The following SIRT5 variants were observed in gnomAD, a reference collection of about 807,000 sequenced individuals.
SIRT5 encodes NAD-dependent protein deacylase sirtuin-5, mitochondrial.
A neutral mutation model predicts 40.0 loss-of-function variants in SIRT5; 26 were observed. The ratio of observed to expected loss-of-function variants is 0.65; its 90% CI spans 0.48 to 0.90. The LOEUF is 0.90. Ranked by LOEUF, SIRT5 falls within the 40% of genes least tolerant of loss-of-function variation. The pLI is 0.00. For synonymous variants in SIRT5, 146 were observed against 149.1 expected (o/e 0.98, Z 0.15); for missense variants, 401 against 402.4 (o/e 1.00, Z 0.03).
chr6:13,593,308 G>C (rs368241784), intron 5 of SIRT5, among the ~76,000 whole-genome samples: 120 of 152,278 alleles, frequency 7.9e-4, no homozygotes, highest in African/African-American at 2.6e-3. Flanking sequence ...CTTTTACTTA[G>C]ATCACCCTGA....
At chr6:13,610,856 T>C (rs902892744) in intron 9 of SIRT5, among the ~76,000 whole-genome samples, 4 of 152,216 alleles carry the variant, frequency 2.6e-5, no homozygotes, top group African/African-American at 7.2e-5. Flanking sequence ...GCAGTCACTA[T>C]TTGTATTGTA....
chr6:13,612,146 T>C lies in SIRT5; in HGVS notation c.*281T>C, dbSNP rs1764000343. On this transcript the variant is annotated 3_prime_UTR_variant, in exon 10 of 10. Coordinates refer to ENST00000606117, the MANE Select transcript of SIRT5 (RefSeq NM_012241.5). ...ATGGTTGGTTATTGGGAGGGAAAAA[T>C]TTTGTAAATTAGATTGTCTAAAAAA... is the stretch of plus-strand genomic sequence containing the variant. 7.7e-6 allele frequency: 2 copies of C among 259,942 alleles called. No individual in the cohort carries two copies. Among genetic ancestry groups the C allele is most frequent in the East Asian group, 1.4e-4 (2 of 14,428 alleles). 16.1% of individuals were successfully genotyped at this position (259,942 alleles called of 1,614,324 possible).
At position 13,612,541 on chromosome 6, in the gene SIRT5, T is replaced by C. The variant is rs1764036403; in HGVS notation, c.*676T>C. Reference sequence around the variant, plus strand: ...TTTTAGTAGAGACGGGGTTTCTCCATGTTGGTCAGGCTGGTCTTAAACTCT... The same window carrying C: ...TTTTAGTAGAGACGGGGTTTCTCCACGTTGGTCAGGCTGGTCTTAAACTCT... On this transcript the variant is annotated 3_prime_UTR_variant, in exon 10 of 10. Transcript: ENST00000606117. 1 of 152,180 alleles carries C rather than the reference T, an allele frequency of 6.6e-6. No individual in the cohort carries two copies. Among genetic ancestry groups the C allele is most frequent in the Admixed American group, 6.6e-5 (1 of 15,266 alleles). The allele number at this position is 152,180 out of a possible 1,614,324, so 9.4% of individuals were successfully genotyped here. A position where few individuals can be genotyped will look rare whatever the true frequency, so the allele number is the denominator to read the frequency against.
In SIRT5 at chr6:13,614,659, C is replaced by CA. The variant is rs1308394027; in HGVS notation, c.*2794_*2795insA. 1 of 152,334 alleles carries CA rather than the reference C, an allele frequency of 6.6e-6. No homozygotes were observed. The highest frequency in any genetic ancestry group is 2.4e-5 in the African/African-American group (1 of 41,482). The allele number at this position is 152,334 out of a possible 1,614,324, so 9.4% of individuals were successfully genotyped here. A position where few individuals can be genotyped will look rare whatever the true frequency, so the allele number is the denominator to read the frequency against. On this transcript the variant is annotated 3_prime_UTR_variant, in exon 10 of 10. Transcript: ENST00000606117. ...CTCAGCATTTGCCACGGGCCAGCTG[C>CA]TGTTCCAGGTCGTGGGTTAGGGCCC... is the stretch of plus-strand genomic sequence containing the variant.
intron 9 of SIRT5, among the ~76,000 whole-genome samples, chr6:13,604,300 G>C (rs776722415): frequency 6.6e-6 from 1 of 152,194 alleles, no homozygotes; most frequent in Non-Finnish European, 1.5e-5. Context: ...CACCTATGTG[G>C]AGCAGCTGGG....
chr6:13,613,607 A>G lies in SIRT5; in HGVS notation c.*1742A>G, dbSNP rs1173027507. On this transcript the variant is annotated 3_prime_UTR_variant, in exon 10 of 10. Transcript: ENST00000606117. ...CATTGCAAGGCATAACCTTTAATAAATCCCAGTGGTCCTTTGTGTAGGGAA... is the reference window on the plus strand; with the variant it reads ...CATTGCAAGGCATAACCTTTAATAAGTCCCAGTGGTCCTTTGTGTAGGGAA... 2.6e-5 allele frequency: 4 copies of G among 152,196 alleles called. No individual in the cohort carries two copies. Among genetic ancestry groups the G allele is most frequent in the African/African-American group, 9.7e-5 (4 of 41,446 alleles). 9.4% of individuals were successfully genotyped at this position (152,196 alleles called of 1,614,324 possible).
At chr6:13,578,591 G>A (rs1358645161) in intron 1 of SIRT5, among the ~76,000 whole-genome samples, 1 of 148,572 alleles carries the variant, frequency 6.7e-6, no homozygotes, top group African/African-American at 2.5e-5. Flanking sequence ...CACTGCAGCT[G>A]GGGGGACAGA....
At chr6:13,589,728 A>G (rs913397160) in intron 4 of SIRT5, among the ~76,000 whole-genome samples, 1 of 152,132 alleles carries the variant, frequency 6.6e-6, no homozygotes, top group Non-Finnish European at 1.5e-5. Context: ...AGAGCAGAGA[A>G]CATTAGGGGC....
At chr6:13,593,495 T>C (rs1353819543) in intron 5 of SIRT5, among the ~76,000 whole-genome samples, 1 of 152,162 alleles carries the variant, frequency 6.6e-6, no homozygotes, top group African/African-American at 2.4e-5. Flanking sequence ...GTCATCAGCA[T>C]AAAACCGAGA....
At chr6:13,591,596 G>T in intron 4 of SIRT5, 73 bp from the exon 5 acceptor site, 1 of 1,272,152 alleles carries the variant, frequency 7.9e-7, no homozygotes, top group Non-Finnish European at 1.1e-6. Context: ...TAGGGAGGAA[G>T]GGCCTGTGCC....
At chr6:13,604,630 A>G in intron 9 of SIRT5, 3 of 1,468,570 alleles carry the variant, frequency 2.0e-6, no homozygotes, top group Non-Finnish European at 2.7e-6. Flanking sequence ...CTCCCATGCC[A>G]TGGACTGAGC....
chr6:13,602,929 C>T (rs1762588755), intron 9 of SIRT5, among the ~76,000 whole-genome samples: 1 of 152,150 alleles, frequency 6.6e-6, no homozygotes, highest in South Asian at 2.1e-4. Context: ...ATAAATTGGA[C>T]TTTATCAAAA....
Position 13,584,091 on chromosome 6 carries a change from A to G in SIRT5, c.-20A>G. ...TTTTCTAAAGCCCGCCTCAAGCATT[A>G]GAACTACAGACAAACCCTGATGCGA... On this transcript the variant is annotated 5_prime_UTR_variant, in exon 3 of 10. Coordinates refer to ENST00000606117, the MANE Select transcript of SIRT5 (RefSeq NM_012241.5). The G allele has an allele frequency of 6.3e-7, 1 of 1,586,354 alleles. No individual in the cohort carries two copies. The highest frequency in any genetic ancestry group is 8.7e-7 in the Non-Finnish European group (1 of 1,155,534).
chr6:13,581,216 G>T (rs1210291620), intron 2 of SIRT5, among the ~76,000 whole-genome samples: 2 of 152,108 alleles, frequency 1.3e-5, no homozygotes, highest in Non-Finnish European at 2.9e-5. Context: ...CCCTTTTCAG[G>T]TCTTGAATCC....
At chr6:13,609,253 A>T (rs1017126651) in intron 9 of SIRT5, among the ~76,000 whole-genome samples, 2 of 152,172 alleles carry the variant, frequency 1.3e-5, no homozygotes, top group Non-Finnish European at 2.9e-5. Flanking sequence ...TAGTCACCAT[A>T]AACAAACCGG....
At chr6:13,595,417 A>G (rs557209899) in intron 5 of SIRT5, 60 bp from the exon 6 acceptor site, 2 of 1,256,790 alleles carry the variant, frequency 1.6e-6, no homozygotes, top group South Asian at 1.2e-5. Context: ...CCTTTTAGAC[A>G]TGGAGAAGGT....
At chr6:13,598,948 T>C in intron 7 of SIRT5, 84 bp from the exon 8 acceptor site, 2 of 1,539,192 alleles carry the variant, frequency 1.3e-6, no homozygotes, top group Non-Finnish European at 8.8e-7. Context: ...CTGGATGTAC[T>C]AGGTTTGGGG....
In SIRT5 at chr6:13,582,637, G is replaced by T. The variant is rs910702403; in HGVS notation, c.-35-1439G>T. On this transcript the variant is annotated intron_variant, in intron 2 of 9. Transcript: ENST00000606117. The stretch of plus-strand genomic sequence containing the variant: ...AAAAAAAAAAAAAAAAAAAATTCCC[G>T]CATGCCCCTTTTTAATCACTCCTCC... Among the ~76,000 whole-genome samples the T allele has an allele frequency of 1.9e-4, 24 of 128,744 alleles. No individual in the cohort carries two copies. The South Asian group carries it at 5.9e-3, about 32-fold the overall frequency. 84.5% of individuals were successfully genotyped at this position (128,744 alleles called of 152,430 possible).
intron 7 of SIRT5, among the ~76,000 whole-genome samples, chr6:13,597,816 G>A (rs1214534593): frequency 2.6e-5 from 4 of 152,148 alleles, no homozygotes; most frequent in Admixed American, 2.0e-4. Flanking sequence ...AACATGCTGG[G>A]ATTACAGGCG....
Sources: allele counts gnomAD v4.1 joint callset (sites outside exome capture counted in the v4.1 genomes callset), GRCh38; gene constraint gnomAD v4.1.1; transcripts MANE v1.5; gene names NCBI Gene and HGNC (gene_info 2026-07-23, HGNC 2026-07-21).